SYNDIG1: variants seen among roughly 807,000 people sequenced by gnomAD.
SYNDIG1 encodes synapse differentiation inducing 1, also known as synapse differentiation-inducing gene protein 1.
In SYNDIG1, 9 loss-of-function variants were observed where a neutral mutation model predicts 19.4. The ratio of observed to expected loss-of-function variants is 0.46; its 90% CI spans 0.28 to 0.81. The LOEUF (loss-of-function observed/expected upper bound fraction) is 0.81, where lower values mean the gene tolerates loss of function less well. SYNDIG1 is among the 30% of genes least tolerant of loss of function. The pLI is 0.12. For synonymous variants in SYNDIG1, 141 were observed against 145.9 expected (o/e 0.97, Z 0.24); for missense variants, 311 against 343.3 (o/e 0.91, Z 0.74).
At chr20:24,596,525 C>G (rs896051778) in intron 3 of SYNDIG1, among the ~76,000 whole-genome samples, 1 of 152,006 alleles carries the variant, frequency 6.6e-6, no homozygotes, top group African/African-American at 2.4e-5. Context: ...ACTACAGGCT[C>G]CCACCATCAT....
intron 3 of SYNDIG1, among the ~76,000 whole-genome samples, chr20:24,657,664 G>T (rs994386411): frequency 6.6e-6 from 1 of 152,146 alleles, no homozygotes; most frequent in Non-Finnish European, 1.5e-5. Flanking sequence ...ACGTGTGTTG[G>T]GGGGTCTGCG....
intron 1 of SYNDIG1, among the ~76,000 whole-genome samples, chr20:24,540,019 T>A (rs1296492637): frequency 6.6e-6 from 1 of 152,156 alleles, no homozygotes; most frequent in African/African-American, 2.4e-5. Context: ...TGACCTCAAG[T>A]CATCCACCCA....
intron 1 of SYNDIG1, among the ~76,000 whole-genome samples, chr20:24,537,818 G>C (rs764867107): frequency 1.3e-5 from 2 of 152,130 alleles, no homozygotes; most frequent in Admixed American, 6.5e-5. Context: ...GCCGTCACCT[G>C]TGGTTCCTTG....
At chr20:24,626,379 G>A (rs942136120) in intron 3 of SYNDIG1, among the ~76,000 whole-genome samples, 2 of 151,088 alleles carry the variant, frequency 1.3e-5, no homozygotes, top group African/African-American at 2.4e-5. Context: ...GGGCAGAGAC[G>A]CTCCTCACCT....
chr20:24,635,646 T>A (rs1026199608), intron 3 of SYNDIG1, among the ~76,000 whole-genome samples: 2 of 152,246 alleles, frequency 1.3e-5, no homozygotes, highest in East Asian at 1.9e-4. Flanking sequence ...AAGCTTTTTT[T>A]ACAATTACAT....
intron 3 of SYNDIG1, among the ~76,000 whole-genome samples, chr20:24,653,327 G>A (rs767741850): frequency 6.6e-6 from 1 of 152,174 alleles, no homozygotes; most frequent in South Asian, 2.1e-4. Context: ...CCACCACCGT[G>A]AGGAGGCAGG....
At chr20:24,517,689 T>TAC (rs1423848418) in intron 1 of SYNDIG1, among the ~76,000 whole-genome samples, 1 of 145,790 alleles carries the variant, frequency 6.9e-6, no homozygotes, top group East Asian at 2.0e-4. Context: ...TATGTATATA[T>TAC]ATATACACAT....
intron 3 of SYNDIG1, among the ~76,000 whole-genome samples, chr20:24,649,228 G>A (rs1299259389): frequency 6.6e-6 from 1 of 152,228 alleles, no homozygotes; most frequent in Non-Finnish European, 1.5e-5. Flanking sequence ...CCACCTGGAA[G>A]TAACAGTTCT....
chr20:24,543,794 C>T (rs538040352), intron 2 of SYNDIG1, among the ~76,000 whole-genome samples: 4 of 152,240 alleles, frequency 2.6e-5, no homozygotes, highest in Admixed American at 6.5e-5. Context: ...GGCGCTTCAC[C>T]GGTGATTCTG....
intron 3 of SYNDIG1, among the ~76,000 whole-genome samples, chr20:24,599,506 A>C (rs79963948): frequency 0.013 from 2,017 of 152,290 alleles, 51 homozygotes; most frequent in African/African-American, 0.047. Flanking sequence ...AAAAAGGAAT[A>C]ATTATATCAA....
chr20:24,560,715 T>A lies in SYNDIG1; in HGVS notation c.480+17138T>A, dbSNP rs867851042. Among the ~76,000 whole-genome samples, 228 of 149,330 alleles carry A rather than the reference T, an allele frequency of 1.5e-3. 1 individual carries two copies. The highest frequency in any genetic ancestry group is 4.6e-3 in the African/African-American group (189 of 40,870). ...ACTACTTTTTTTTTTTTTTTTTTTT[T>A]AAACTAGGTATGGGTCATGCTTTCC... is the stretch of plus-strand genomic sequence containing the variant. On this transcript the variant is annotated intron_variant, in intron 2 of 3. Transcript: ENST00000376862.
intron 2 of SYNDIG1, among the ~76,000 whole-genome samples, chr20:24,546,557 T>C (rs913299249): frequency 1.3e-5 from 2 of 152,180 alleles, no homozygotes; most frequent in Admixed American, 1.3e-4. Flanking sequence ...ACCCATCCTG[T>C]CCCAGGCTTC....
At chr20:24,546,083 A>T (rs1242607541) in intron 2 of SYNDIG1, among the ~76,000 whole-genome samples, 2 of 152,184 alleles carry the variant, frequency 1.3e-5, no homozygotes, top group Non-Finnish European at 2.9e-5. Context: ...GCGGCTCAGG[A>T]TGCCAAGGAG....
chr20:24,487,080 G>A (rs750661947), intron 1 of SYNDIG1, among the ~76,000 whole-genome samples: 8 of 151,900 alleles, frequency 5.3e-5, no homozygotes, highest in Non-Finnish European at 1.2e-4. Context: ...GTGGGGTGGG[G>A]GGTATTTGGG....
At chr20:24,561,125 A>G (rs1169728767) in intron 2 of SYNDIG1, among the ~76,000 whole-genome samples, 5 of 152,032 alleles carry the variant, frequency 3.3e-5, no homozygotes, top group African/African-American at 1.2e-4. Flanking sequence ...TCAAGCAGAT[A>G]AGGTTTCTCT....
intron 2 of SYNDIG1, among the ~76,000 whole-genome samples, chr20:24,570,329 C>T (rs1025814240): frequency 3.9e-5 from 6 of 152,116 alleles, no homozygotes; most frequent in Admixed American, 1.3e-4. Flanking sequence ...AAAACTTTTG[C>T]TCTGCAAAAA....
chr20:24,551,739 T>G (rs1461061071), intron 2 of SYNDIG1, among the ~76,000 whole-genome samples: 1 of 152,210 alleles, frequency 6.6e-6, no homozygotes, highest in Non-Finnish European at 1.5e-5. Context: ...TTTTTATTTT[T>G]CTAATGAGTT....
intron 2 of SYNDIG1, among the ~76,000 whole-genome samples, chr20:24,569,450 G>A (rs573786468): frequency 5.8e-4 from 89 of 152,288 alleles, no homozygotes; most frequent in Admixed American, 3.5e-3. Context: ...AGACCTGGGC[G>A]TCAGGAGTGT....
chr20:24,661,348 AGAGAGGAG>A (rs2059584910), intron 3 of SYNDIG1, among the ~76,000 whole-genome samples: 1 of 108,034 alleles, frequency 9.3e-6, no homozygotes. Context: ...GGAAGGAGGG[AGAGAGGAG>A]GGAGGGAAAA....
Sources: gnomAD v4.1 joint callset for allele counts (sites outside exome capture counted in the v4.1 genomes callset) on GRCh38, gnomAD v4.1.1 for gene constraint, MANE v1.5 for transcripts, NCBI Gene and HGNC (gene_info 2026-07-23, HGNC 2026-07-21) for gene names.